Variants in IL1RAPL1 observed in about 807,000 individuals in gnomAD.
IL1RAPL1 encodes interleukin-1 receptor accessory protein-like 1.
IL1RAPL1 carries 3 observed loss-of-function variants against 48.4 expected under a neutral mutation model. That is an observed-to-expected ratio of 0.06 (90% CI 0.03 to 0.16). IL1RAPL1 has a LOEUF of 0.16. IL1RAPL1 is among the 10% of genes least tolerant of loss of function. The pLI is 1.00. For synonymous variants in IL1RAPL1, 185 were observed against 187.7 expected (o/e 0.99, Z 0.12); for missense variants, 349 against 530.6 (o/e 0.66, Z 3.36).
At position 29,686,627 on chromosome X, in the gene IL1RAPL1, A is replaced by G. The variant is rs12688697; in HGVS notation, c.778+18123A>G. Among the ~76,000 whole-genome samples, 35 of 107,222 alleles carry G rather than the reference A, an allele frequency of 3.3e-4. No homozygotes were observed. The East Asian group carries it at 9.0e-3, about 27-fold the overall frequency. The allele number at this position is 107,222 out of a possible 115,157, so 93.1% of individuals were successfully genotyped here. On this transcript the variant is annotated intron_variant, in intron 6 of 10. Coordinates refer to ENST00000378993, the MANE Select transcript of IL1RAPL1 (RefSeq NM_014271.4). ...GGCTGCAGTGCAGTGGTGCGATCTC[A>G]GCTCACTGCAAGCTCCGCCTCCCGG...
intron 6 of IL1RAPL1, among the ~76,000 whole-genome samples, chrX:29,705,774 ATG>A (rs1230514820): frequency 8.9e-6 from 1 of 112,110 alleles, no homozygotes; most frequent in African/African-American, 3.2e-5. Flanking sequence ...CTTGATACCT[ATG>A]TGGAATTAGA....
intron 2 of IL1RAPL1, among the ~76,000 whole-genome samples, chrX:29,051,304 A>G (rs1927088343): frequency 8.9e-6 from 1 of 111,861 alleles, no homozygotes; most frequent in Non-Finnish European, 1.9e-5. Context: ...GGTGTTATGG[A>G]CTCAACATTG....
chrX:29,720,910 A>T (rs1052187838), intron 6 of IL1RAPL1, among the ~76,000 whole-genome samples: 1 of 112,361 alleles, frequency 8.9e-6, no homozygotes, highest in African/African-American at 3.2e-5. Context: ...TGTCAGTTAA[A>T]AGAAAACTAG....
intron 5 of IL1RAPL1, among the ~76,000 whole-genome samples, chrX:29,461,445 A>T (rs1440238296): frequency 1.8e-5 from 2 of 111,904 alleles, no homozygotes; most frequent in Non-Finnish European, 3.8e-5. Context: ...TACATATATA[A>T]CTATACAAAA....
At chrX:29,190,177 T>C (rs776422688) in intron 2 of IL1RAPL1, among the ~76,000 whole-genome samples, 1 of 112,194 alleles carries the variant, frequency 8.9e-6, no homozygotes, top group Non-Finnish European at 1.9e-5. Flanking sequence ...GCAAATTTAA[T>C]AAATGGTAAT....
intron 5 of IL1RAPL1, among the ~76,000 whole-genome samples, chrX:29,456,121 G>GA (rs777103890): frequency 1.8e-5 from 2 of 111,085 alleles, no homozygotes; most frequent in Non-Finnish European, 3.8e-5. Context: ...CCCAAAAATA[G>GA]AAAAAAATGT....
intron 5 of IL1RAPL1, among the ~76,000 whole-genome samples, chrX:29,568,035 T>C (rs938288151): frequency 7.3e-5 from 8 of 109,882 alleles, no homozygotes; most frequent in African/African-American, 2.6e-4. Flanking sequence ...AAATATATTA[T>C]ATTGTATGGT....
chrX:29,206,333 A>G (rs1930665347), intron 2 of IL1RAPL1, among the ~76,000 whole-genome samples: 1 of 111,612 alleles, frequency 9.0e-6, no homozygotes, highest in Non-Finnish European at 1.9e-5. Flanking sequence ...TCAAGAACAA[A>G]GACATCTTTT....
chrX:29,459,933 A>G (rs1934783470), intron 5 of IL1RAPL1, among the ~76,000 whole-genome samples: 1 of 111,659 alleles, frequency 9.0e-6, no homozygotes, highest in Admixed American at 9.5e-5. Flanking sequence ...GGTCGCTACC[A>G]TTCTATTCTC....
chrX:29,820,851 C>T (rs936920106), intron 6 of IL1RAPL1, among the ~76,000 whole-genome samples: 6 of 112,042 alleles, frequency 5.4e-5, no homozygotes, highest in African/African-American at 1.9e-4. Flanking sequence ...TCCACTGATA[C>T]ACTAGTGGCA....
At chrX:28,930,356 A>G (rs60470725) in intron 2 of IL1RAPL1, among the ~76,000 whole-genome samples, 2,338 of 112,051 alleles carry the variant, frequency 0.021, 58 homozygotes, top group African/African-American at 0.071. Flanking sequence ...TGAGAAAACT[A>G]TTGAGTCTGA....
chrX:29,215,955 C>A (rs1408898535), intron 2 of IL1RAPL1, among the ~76,000 whole-genome samples: 1 of 110,966 alleles, frequency 9.0e-6, no homozygotes, highest in Admixed American at 9.6e-5. Flanking sequence ...ACCACAGTAA[C>A]AAGTATCTCC....
At chrX:29,361,054 C>T (rs1933369176) in intron 3 of IL1RAPL1, among the ~76,000 whole-genome samples, 1 of 111,076 alleles carries the variant, frequency 9.0e-6, no homozygotes, top group Non-Finnish European at 1.9e-5. Flanking sequence ...TGTGTTTTTT[C>T]CCAGCTTATG....
intron 5 of IL1RAPL1, among the ~76,000 whole-genome samples, chrX:29,631,720 G>A (rs930642777): frequency 9.0e-6 from 1 of 111,458 alleles, no homozygotes; most frequent in Middle Eastern, 4.6e-3. Context: ...GCCTGAACCC[G>A]GGAGGCGGAG....
chrX:28,833,154 T>TA (rs1214250284), intron 2 of IL1RAPL1, among the ~76,000 whole-genome samples: 1 of 111,385 alleles, frequency 9.0e-6, no homozygotes, highest in Non-Finnish European at 1.9e-5. Context: ...CGTTATTGTA[T>TA]AAAAAACCAT....
At chrX:29,515,176 CT>C (rs1935433572) in intron 5 of IL1RAPL1, among the ~76,000 whole-genome samples, 1 of 112,480 alleles carries the variant, frequency 8.9e-6, no homozygotes, top group South Asian at 3.6e-4. Context: ...AAACTTTCTA[CT>C]TTGAGATAAT....
At chrX:28,966,316 TC>T (rs1455657839) in intron 2 of IL1RAPL1, among the ~76,000 whole-genome samples, 1 of 112,097 alleles carries the variant, frequency 8.9e-6, no homozygotes, top group Non-Finnish European at 1.9e-5. Context: ...TTCCTCTTCT[TC>T]CAATTAGCTG....
intron 2 of IL1RAPL1, among the ~76,000 whole-genome samples, chrX:29,255,553 GC>G (rs1325474762): frequency 9.0e-6 from 1 of 110,599 alleles, no homozygotes; most frequent in Non-Finnish European, 1.9e-5. Context: ...TGATCCTGTT[GC>G]CGAAGTCCTG....
intron 1 of IL1RAPL1, among the ~76,000 whole-genome samples, chrX:28,606,802 C>A (rs934667205): frequency 9.0e-6 from 1 of 110,831 alleles, no homozygotes; most frequent in Non-Finnish European, 1.9e-5. Context: ...AATGAACAAC[C>A]AATTTTCTTC....
Sources: gnomAD v4.1 joint callset for allele counts (sites outside exome capture counted in the v4.1 genomes callset) on GRCh38, gnomAD v4.1.1 for gene constraint, MANE v1.5 for transcripts, NCBI Gene and HGNC (gene_info 2026-07-23, HGNC 2026-07-21) for gene names.